The following FIBCD1 variants were observed in gnomAD, a reference collection of about 807,000 sequenced individuals.
The protein encoded by FIBCD1 is fibrinogen C domain-containing protein 1.
Under a neutral mutation model 45.1 loss-of-function variants are expected in FIBCD1, and 47 were observed. The ratio of observed to expected loss-of-function variants is 1.04; its 90% CI spans 0.82 to 1.33. FIBCD1 has a LOEUF of 1.33. Ranked by LOEUF, FIBCD1 falls within the 40% of genes most tolerant of loss-of-function variation. FIBCD1 has a pLI of 0.00. For synonymous variants in FIBCD1, 313 were observed against 308.1 expected, an observed-to-expected ratio of 1.02 and a Z score of -0.17; for missense variants, 653 against 682.2, an observed-to-expected ratio of 0.96 and a Z score of 0.48.
chr9:130,923,400 A>G (rs907144289), intron 4 of FIBCD1, among the ~76,000 whole-genome samples: 1 of 152,104 alleles, frequency 6.6e-6, no homozygotes, highest in Non-Finnish European at 1.5e-5. Context: ...CAGCCCTGGA[A>G]CCCACGTTAG....
At position 130,911,995 on chromosome 9, in the gene FIBCD1, G is replaced by A. The variant is rs1051980121; in HGVS notation, c.850-107C>T. 6 of 1,020,842 alleles carry A rather than the reference G, an allele frequency of 5.9e-6. No individual in the cohort carries two copies. The African/African-American group carries it at 6.5e-5, about 11-fold the overall frequency. 63.2% of individuals were successfully genotyped at this position (1,020,842 alleles called of 1,614,324 possible). On this transcript the variant is annotated intron_variant, in intron 4 of 6. Transcript: ENST00000372338. ...ACTCCCCTCACCCTGCTCCCAACCT[G>A]CCCTCTCGGGAGGGCAGGGGCCTGG...
At chr9:130,907,533 C>G (rs1041757537) in intron 5 of FIBCD1, among the ~76,000 whole-genome samples, 1 of 152,160 alleles carries the variant, frequency 6.6e-6, no homozygotes, top group Admixed American at 6.5e-5. Flanking sequence ...CCACTAAGAC[C>G]CTAAACTTCA....
rs148248785 is a variant in FIBCD1 at position 130,924,762 on chromosome 9, G to A, written c.553-366C>T. Among the ~76,000 whole-genome samples, 903 of 152,314 alleles carry A rather than the reference G, an allele frequency of 5.9e-3. 3 individuals carry two copies. Among genetic ancestry groups the A allele is most frequent in the Non-Finnish European group, 8.8e-3 (596 of 68,014 alleles). ...GTGCCAGGTGGGGAGAGAGTGCCCC[G>A]TGTTGGGCAAATCCAGCTGGAGCCC... On this transcript the variant is annotated intron_variant, in intron 2 of 6. Transcript: ENST00000372338.
chr9:130,922,350 A>G lies in FIBCD1; in HGVS notation c.849+1394T>C, dbSNP rs938311652. ...ATCGCCGGCCTCCCAGTCTCTCTCC[A>G]GCACACTTCTTCTCAGCTGAGCCCC... On this transcript the variant is annotated intron_variant, in intron 4 of 6. Coordinates refer to ENST00000372338, the MANE Select transcript of FIBCD1 (RefSeq NM_032843.5). The surrounding 1 kb of genome is among the most constrained non-coding windows in gnomAD (Gnocchi z 4.5). 3.3e-5 allele frequency among the ~76,000 whole-genome samples: 5 copies of G among 152,098 alleles called. No individual in the cohort carries two copies. Among genetic ancestry groups the G allele is most frequent in the African/African-American group, 1.2e-4 (5 of 41,424 alleles).
chr9:130,926,632 CAACA>C lies in FIBCD1; in HGVS notation c.553-2240_553-2237del, dbSNP rs1418831041. Among the ~76,000 whole-genome samples, 2 of 152,066 alleles carry C rather than the reference CAACA, an allele frequency of 1.3e-5. No homozygotes were observed. Among genetic ancestry groups the C allele is most frequent in the Non-Finnish European group, 2.9e-5 (2 of 68,020 alleles). On this transcript the variant is annotated intron_variant, in intron 2 of 6. Coordinates refer to ENST00000372338, the MANE Select transcript of FIBCD1 (RefSeq NM_032843.5). This position sits in a 1 kb window ranked among gnomAD's most constrained non-coding sequence, Gnocchi z 4.1. Reference sequence around the variant, plus strand: ...GTCAGGAGTTTGAGACCAGCCTGGCCAACATGGTGAAACTCTGTGTCTACTAAAA... The same window carrying C: ...GTCAGGAGTTTGAGACCAGCCTGGCCTGGTGAAACTCTGTGTCTACTAAAA...
upstream of FIBCD1, among the ~76,000 whole-genome samples, chr9:130,940,235 CG>C (rs1832600529): frequency 6.6e-6 from 1 of 152,266 alleles, no homozygotes; most frequent in Non-Finnish European, 1.5e-5. Flanking sequence ...GACCCCGGAG[CG>C]GGGGACCCTG....
chr9:130,906,519 C>T (rs1235903739), intron 5 of FIBCD1, among the ~76,000 whole-genome samples: 2 of 152,174 alleles, frequency 1.3e-5, no homozygotes, highest in African/African-American at 4.8e-5. Context: ...CAAAGCTGAC[C>T]GCACGACCCA....
At chr9:130,917,327 AGCCCGCC>A (rs1201275674) in intron 4 of FIBCD1, among the ~76,000 whole-genome samples, 4 of 152,220 alleles carry the variant, frequency 2.6e-5, no homozygotes, top group Admixed American at 1.3e-4. Flanking sequence ...GATTCTCAGA[AGCCCGCC>A]GCCCGGCGCA....
intron 2 of FIBCD1, among the ~76,000 whole-genome samples, chr9:130,927,344 G>T (rs560210129): frequency 2.6e-5 from 4 of 151,702 alleles, no homozygotes; most frequent in Admixed American, 2.6e-4. Flanking sequence ...ATAATAATAA[G>T]GAGACGTTGA....
intron 1 of FIBCD1, among the ~76,000 whole-genome samples, chr9:130,937,387 A>G (rs1160177646): frequency 3.9e-5 from 6 of 152,142 alleles, no homozygotes; most frequent in Non-Finnish European, 8.8e-5. Flanking sequence ...CTGGTCTGTG[A>G]TGTGGGAACG....
intron 5 of FIBCD1, among the ~76,000 whole-genome samples, chr9:130,911,522 C>G (rs142019177): frequency 1.4e-4 from 22 of 152,366 alleles, no homozygotes; most frequent in African/African-American, 5.1e-4. Context: ...AGGGTGACCC[C>G]GGCAGGAAGT....
intron 4 of FIBCD1, among the ~76,000 whole-genome samples, chr9:130,915,138 C>T (rs925952494): frequency 4.6e-5 from 7 of 152,240 alleles, no homozygotes; most frequent in Non-Finnish European, 1.5e-5. Context: ...ACCAGGATGG[C>T]TGTAGCCTTG....
chr9:130,925,115 C>T lies in FIBCD1; in HGVS notation c.553-719G>A, dbSNP rs188730980. On this transcript the variant is annotated intron_variant, in intron 2 of 6. Transcript: ENST00000372338. ...TCAGGCTTCTGGACCAACAAGGCTC[C>T]CCCGTCCCACCCCCACTCCCCATGC... Among the ~76,000 whole-genome samples the T allele has an allele frequency of 1.9e-4, 29 of 152,268 alleles. No homozygotes were observed. The East Asian group carries it at 5.4e-3, about 28-fold the overall frequency.
chr9:130,904,551 C>G, intron 6 of FIBCD1, among the ~76,000 whole-genome samples: 1 of 152,150 alleles, frequency 6.6e-6, no homozygotes, highest in East Asian at 1.9e-4. Context: ...TCGGGCGTGC[C>G]TGGGGCTGCC....
Position 130,923,735 on chromosome 9 carries a change from G to A in FIBCD1, c.849+9C>T. ...CTGCCCTGCCGCCCGCCCAGCCTGG[G>A]ACACTCACCGTCCAGCCGCCGCCGT... On this transcript the variant is annotated intron_variant, in intron 4 of 6. Transcript: ENST00000372338. The A allele has an allele frequency of 1.9e-6, 3 of 1,611,214 alleles. No individual in the cohort carries two copies. The highest frequency in any genetic ancestry group is 2.5e-6 in the Non-Finnish European group (3 of 1,179,616).
chr9:130,917,315 C>T (rs909337328), intron 4 of FIBCD1, among the ~76,000 whole-genome samples: 6 of 152,164 alleles, frequency 3.9e-5, no homozygotes, highest in Non-Finnish European at 7.4e-5. Context: ...TTTCTTGGTG[C>T]GGATTCTCAG....
intron 5 of FIBCD1, among the ~76,000 whole-genome samples, chr9:130,911,497 C>T (rs1483255189): frequency 1.3e-5 from 2 of 152,236 alleles, no homozygotes; most frequent in African/African-American, 4.8e-5. Flanking sequence ...TGATTCAGGA[C>T]AGCCAGCAGG....
intron 4 of FIBCD1, among the ~76,000 whole-genome samples, chr9:130,917,194 C>CG (rs199538737): frequency 2.6e-5 from 4 of 152,086 alleles, no homozygotes; most frequent in Non-Finnish European, 2.9e-5. Flanking sequence ...GGTCCAGCTC[C>CG]GGGGGGGCGT....
At chr9:130,918,450 A>G (rs1832202312) in intron 4 of FIBCD1, among the ~76,000 whole-genome samples, 1 of 152,218 alleles carries the variant, frequency 6.6e-6, no homozygotes, top group Non-Finnish European at 1.5e-5. Context: ...GGAAGCAGCA[A>G]CTGCGGTTTT....
Sources: allele counts gnomAD v4.1 joint callset (sites outside exome capture counted in the v4.1 genomes callset), GRCh38; gene constraint gnomAD v4.1.1; non-coding constraint Gnocchi (gnomAD v3.1); transcripts MANE v1.5; gene names NCBI Gene and HGNC (gene_info 2026-07-23, HGNC 2026-07-21).